COP1: variants seen among roughly 807,000 people sequenced by gnomAD.
COP1 encodes COP1 E3 ubiquitin ligase.
Under a neutral mutation model 101.3 loss-of-function variants are expected in COP1, and 24 were observed. The observed-to-expected ratio is 0.24, with a 90% confidence interval of 0.17 to 0.33. COP1 has a LOEUF of 0.33. Among genes scored for constraint, COP1 ranks in the 10% least tolerant of loss-of-function variants. The probability of loss-of-function intolerance (pLI) is 1.00; values close to 1 mark genes in which losing one functional copy is unlikely to be tolerated. For synonymous variants in COP1, 347 were observed against 341.9 expected (o/e 1.01, Z -0.17); for missense variants, 663 against 906.2 (o/e 0.73, Z 3.45).
intron 15 of COP1, among the ~76,000 whole-genome samples, chr1:176,004,887 C>A (rs2148895288): frequency 6.6e-6 from 1 of 151,684 alleles, no homozygotes; most frequent in South Asian, 2.1e-4. Flanking sequence ...AGGGAGGATT[C>A]CCTCTTTTTC....
intron 6 of COP1, among the ~76,000 whole-genome samples, chr1:176,140,761 TAATAAACTC>T (rs946732718): frequency 6.6e-5 from 10 of 152,164 alleles, no homozygotes; most frequent in Non-Finnish European, 1.2e-4. Flanking sequence ...TTAGGAATGA[TAATAAACTC>T]CTAGATCACA....
chr1:176,025,163 GAAT>G (rs1268226220), intron 15 of COP1, among the ~76,000 whole-genome samples: 5 of 152,022 alleles, frequency 3.3e-5, no homozygotes, highest in African/African-American at 9.7e-5. Flanking sequence ...AAAACAATTT[GAAT>G]AATAAAATAT....
At chr1:175,971,129 T>C (rs532571184) in intron 18 of COP1, among the ~76,000 whole-genome samples, 1 of 152,356 alleles carries the variant, frequency 6.6e-6, no homozygotes, top group East Asian at 1.9e-4. Context: ...ACAATAATGA[T>C]TCTGGGGTTT....
At chr1:176,005,132 A>C (rs1344582542) in intron 15 of COP1, among the ~76,000 whole-genome samples, 3 of 152,094 alleles carry the variant, frequency 2.0e-5, no homozygotes, top group Non-Finnish European at 2.9e-5. Context: ...TTTCTAGTTT[A>C]TTTGTGTAGA....
chr1:176,056,817 C>A (rs1247363919), intron 11 of COP1, among the ~76,000 whole-genome samples: 3 of 152,034 alleles, frequency 2.0e-5, no homozygotes, highest in Non-Finnish European at 4.4e-5. Context: ...CTGTGTTATT[C>A]TCCTAAATGG....
At chr1:176,041,585 G>A (rs960727429) in intron 14 of COP1, among the ~76,000 whole-genome samples, 1 of 152,010 alleles carries the variant, frequency 6.6e-6, no homozygotes, top group African/African-American at 2.4e-5. Flanking sequence ...CTGGCCTCAA[G>A]TGATCCACCC....
At chr1:176,061,985 A>T (rs1260167084) in intron 11 of COP1, among the ~76,000 whole-genome samples, 2 of 152,124 alleles carry the variant, frequency 1.3e-5, no homozygotes, top group East Asian at 3.9e-4. Flanking sequence ...ACTAAACAAG[A>T]GAAAGACCTG....
chr1:175,979,536 G>A (rs1174751272), intron 18 of COP1, among the ~76,000 whole-genome samples: 1 of 149,424 alleles, frequency 6.7e-6, no homozygotes, highest in African/African-American at 2.4e-5. Flanking sequence ...ATGTCATAAC[G>A]TGATGGAGAA....
intron 1 of COP1, 200 bp downstream of exon 1, chr1:176,206,372 T>A (rs1700852125): frequency 1.7e-6 from 1 of 583,110 alleles, no homozygotes; most frequent in Non-Finnish European, 3.0e-6. Context: ...CCACCCTGCC[T>A]CGCTACTCCA....
At chr1:176,053,590 T>A (rs564514179) in intron 11 of COP1, among the ~76,000 whole-genome samples, 2 of 152,168 alleles carry the variant, frequency 1.3e-5, no homozygotes, top group African/African-American at 4.8e-5. Flanking sequence ...CACACAACCA[T>A]GACCACACCC....
At chr1:176,015,473 AATTTTTGAGGG>A (rs1277272584) in intron 15 of COP1, among the ~76,000 whole-genome samples, 3 of 151,994 alleles carry the variant, frequency 2.0e-5, no homozygotes, top group Admixed American at 6.6e-5. Flanking sequence ...TAACCACTTC[AATTTTTGAGGG>A]GAAGGCAGGG....
chr1:176,054,706 C>G (rs575839080), intron 11 of COP1, among the ~76,000 whole-genome samples: 5 of 152,282 alleles, frequency 3.3e-5, no homozygotes, highest in African/African-American at 1.2e-4. Context: ...TCCCTCCTCT[C>G]TCCTGTATCA....
At chr1:175,947,088 T>C in intron 19 of COP1, 107 bp downstream of exon 19, 2 of 776,730 alleles carry the variant, frequency 2.6e-6, no homozygotes, top group East Asian at 2.5e-5. Flanking sequence ...CACAGACCCA[T>C]GATTTGGGAT....
chr1:176,159,003 T>C (rs1026909874), intron 5 of COP1, among the ~76,000 whole-genome samples: 2 of 152,100 alleles, frequency 1.3e-5, no homozygotes, highest in East Asian at 3.8e-4. Flanking sequence ...GTGGTAGTAA[T>C]TGTATTAAAA....
rs777025600 is a variant in COP1 at position 176,081,257 on chromosome 1, T to A, written c.1172A>T (p.Glu391Val). ...AAACTTGGACAAGCATTCCTGAAAT[T>A]CATCCAACTGGCTTGCAGTTCGACT... ...DDSRTASQLD[E>V]FQECLSKFTR... is the part of the protein sequence containing the mutation. Residue 391 changes from glutamate to valine, a missense_variant, in exon 11 of 20, where the codon GAA (glutamate) becomes GTA (valine). By Grantham distance (121) the Glu-to-Val change is moderately radical (BLOSUM62 -2). Coordinates refer to ENST00000367669, the MANE Select transcript of COP1 (RefSeq NM_022457.7). 6.2e-7 allele frequency: 1 copy of A among 1,605,014 alleles called. No homozygotes were observed. Among genetic ancestry groups the A allele is most frequent in the Non-Finnish European group, 8.5e-7 (1 of 1,176,178 alleles).
chr1:176,032,763 T>C (rs148323080), intron 14 of COP1, among the ~76,000 whole-genome samples: 373 of 152,052 alleles, frequency 2.5e-3, no homozygotes, highest in African/African-American at 8.3e-3. Flanking sequence ...CATCTACTGG[T>C]CACATAAATG....
At chr1:176,090,326 C>T (rs1681035532) in intron 9 of COP1, among the ~76,000 whole-genome samples, 1 of 152,140 alleles carries the variant, frequency 6.6e-6, no homozygotes. Flanking sequence ...GGCACATGTT[C>T]TCAGGACCTC....
chr1:176,192,876 A>C (rs572313585), intron 1 of COP1, among the ~76,000 whole-genome samples: 97 of 152,186 alleles, frequency 6.4e-4, no homozygotes, highest in Non-Finnish European at 7.1e-4. Flanking sequence ...TTTTAAGATT[A>C]ATTTTTTTAA....
intron 6 of COP1, among the ~76,000 whole-genome samples, chr1:176,140,632 C>T (rs973594149): frequency 2.0e-5 from 3 of 152,144 alleles, no homozygotes; most frequent in African/African-American, 4.8e-5. Flanking sequence ...GTAAACATAA[C>T]CCCGGGAAGG....
Sources: gnomAD v4.1 joint callset for allele counts (sites outside exome capture counted in the v4.1 genomes callset) on GRCh38, gnomAD v4.1.1 for gene constraint, MANE v1.5 for transcripts, NCBI Gene and HGNC (gene_info 2026-07-23, HGNC 2026-07-21) for gene names.